The following OPTN variants were observed in gnomAD, a reference collection of about 807,000 sequenced individuals.
OPTN encodes optineurin.
Under a neutral mutation model 70.4 loss-of-function variants are expected in OPTN, and 54 were observed. The ratio of observed to expected loss-of-function variants is 0.77; its 90% CI spans 0.62 to 0.96. The LOEUF is 0.96. Ranked by LOEUF, OPTN falls within the 40% of genes least tolerant of loss-of-function variation. The pLI is 0.00. For missense variants in OPTN, 624 were observed against 673.2 expected (o/e 0.93, Z 0.81); for synonymous variants, 256 against 248.5 (o/e 1.03, Z -0.28).
At chr10:13,117,447 T>TTG (rs1358503785) in intron 6 of OPTN, among the ~76,000 whole-genome samples, 3,899 of 40,500 alleles carry the variant, frequency 0.096, 273 homozygotes, top group African/African-American at 0.22. Context: ...GAGTTTTTTT[T>TTG]TTTTTTTTTT....
chr10:13,112,449 C>A lies in OPTN; in HGVS notation c.370-4C>A, dbSNP rs1403778579. 1.2e-6 allele frequency: 2 copies of A among 1,613,870 alleles called. No homozygotes were observed. Among genetic ancestry groups the A allele is most frequent in the African/African-American group, 2.7e-5 (2 of 74,960 alleles). On this transcript the variant is annotated splice_region_variant and splice_polypyrimidine_tract_variant and intron_variant, in intron 4 of 14. Transcript: ENST00000378747. ...TCATTCACTTTACTCCTTGTCATCTCCAGGACCCCACTGATGACTCCAGGC... is the reference window on the plus strand; with the variant it reads ...TCATTCACTTTACTCCTTGTCATCTACAGGACCCCACTGATGACTCCAGGC...
chr10:13,121,549 A>AGCAG (rs1366828869), intron 7 of OPTN, among the ~76,000 whole-genome samples: 2 of 146,846 alleles, frequency 1.4e-5, no homozygotes, highest in Admixed American at 6.8e-5. Context: ...AAATGGAGAG[A>AGCAG]GCAGGCATCC....
chr10:13,114,814 T>TTATATAATTATATAATTATATATACATA lies in OPTN; in HGVS notation c.553-1431_553-1430insTACATATATATAATTATATAATTATATA, dbSNP rs1554768965. ...TATAATTATATATACATATATATAA[T>TTATATAATTATATAATTATATATACATA]TATATAATTATATAATTATATAATT... On this transcript the variant is annotated intron_variant, in intron 5 of 14. Transcript: ENST00000378747. 8.5e-3 allele frequency among the ~76,000 whole-genome samples: 566 copies of TTATATAATTATATAATTATATATACATA among 66,646 alleles called. 68 individuals carry two copies. The highest frequency in any genetic ancestry group is 0.022 in the Admixed American group (82 of 3,700). The allele number at this position is 66,646 out of a possible 152,430, so 43.7% of individuals were successfully genotyped here.
At chr10:13,127,457 T>C (rs562829239) in intron 11 of OPTN, among the ~76,000 whole-genome samples, 11 of 152,332 alleles carry the variant, frequency 7.2e-5, no homozygotes, top group Admixed American at 2.0e-4. Flanking sequence ...TTTTTAGGAA[T>C]TCATTATTTG....
chr10:13,101,810 C>T (rs1319965357), intron 1 of OPTN, among the ~76,000 whole-genome samples: 1 of 152,066 alleles, frequency 6.6e-6, no homozygotes, highest in Admixed American at 6.6e-5. Context: ...AAGTGAATGC[C>T]GTGGAACTGT....
In OPTN at chr10:13,125,448, A is replaced by T. The variant is rs1833437260; in HGVS notation, c.1029A>T (p.Ala343=). 1.2e-6 allele frequency: 2 copies of T among 1,614,072 alleles called. No homozygotes were observed. The highest frequency in any genetic ancestry group is 2.7e-5 in the African/African-American group (2 of 74,954). The part of the protein sequence containing the change: ...KCQALERKNS[A]IPSELNEKQE... The stretch of plus-strand genomic sequence containing the variant: ...AGGCCCTTGAAAGGAAAAATTCTGC[A>T]ATTCCATCAGAGTTGAATGAAAAGC... The change falls in exon 10 of 15, where the codon GCA becomes GCT. Residue 343 remains alanine (A), a synonymous_variant. Transcript: ENST00000378747.
chr10:13,117,082 T>C (rs1362965119), intron 6 of OPTN, among the ~76,000 whole-genome samples: 1 of 143,586 alleles, frequency 7.0e-6, no homozygotes, highest in Non-Finnish European at 1.5e-5. Flanking sequence ...AAGGATCTCT[T>C]TTTTTTTTTT....
intron 5 of OPTN, among the ~76,000 whole-genome samples, chr10:13,114,801 TAC>T (rs1312393384): frequency 0.034 from 213 of 6,264 alleles, 13 homozygotes; most frequent in Admixed American, 0.097. Context: ...TAATTATATA[TAC>T]ATATATATAA....
At chr10:13,117,243 G>C (rs1833233620) in intron 6 of OPTN, among the ~76,000 whole-genome samples, 1 of 151,366 alleles carries the variant, frequency 6.6e-6, no homozygotes, top group South Asian at 2.1e-4. Context: ...ACCATGCCCG[G>C]CTAATTTTTT....
At chr10:13,107,137 G>T (rs527304538) in intron 1 of OPTN, among the ~76,000 whole-genome samples, 62 of 152,162 alleles carry the variant, frequency 4.1e-4, no homozygotes, top group Non-Finnish European at 7.4e-4. Context: ...CACTTTTGGA[G>T]GCCGAGGCCA....
chr10:13,130,618 C>T (rs1833576115), intron 12 of OPTN, among the ~76,000 whole-genome samples: 2 of 152,016 alleles, frequency 1.3e-5, no homozygotes, highest in South Asian at 2.1e-4. Context: ...CTGAACCACT[C>T]ACATTGATAG....
chr10:13,109,546 C>G (rs559682619), intron 3 of OPTN: 105 of 454,428 alleles, frequency 2.3e-4, no homozygotes, highest in Non-Finnish European at 3.7e-4. Context: ...GAAAAAGAGG[C>G]TGGGCGTGGT....
chr10:13,132,706 G>C (rs1332670159), intron 13 of OPTN, among the ~76,000 whole-genome samples: 1 of 151,956 alleles, frequency 6.6e-6, no homozygotes, highest in Non-Finnish European at 1.5e-5. Flanking sequence ...GTGTCCCAAT[G>C]ACCTATCTTG....
intron 4 of OPTN, among the ~76,000 whole-genome samples, chr10:13,111,991 G>A (rs1203021058): frequency 1.3e-5 from 2 of 151,196 alleles, no homozygotes; most frequent in African/African-American, 4.9e-5. Context: ...GGGACTACAG[G>A]CGCCCGCCAC....
intron 1 of OPTN, among the ~76,000 whole-genome samples, chr10:13,106,387 C>T (rs543517642): frequency 5.3e-5 from 8 of 152,320 alleles, no homozygotes; most frequent in African/African-American, 1.9e-4. Context: ...GTTCTAGTCA[C>T]CTAATGCTAA....
At position 13,110,256 on chromosome 10, in the gene OPTN, A is replaced by G; in HGVS notation, c.167-18A>G. 1.9e-6 allele frequency: 3 copies of G among 1,612,732 alleles called. No homozygotes were observed. The highest frequency in any genetic ancestry group is 2.5e-6 in the Non-Finnish European group (3 of 1,179,584). ...CACTTTCCTGGTGTGTGACTCCATC[A>G]CTCTGAACCTCCTGCAGAAGCCATG... On this transcript the variant is annotated intron_variant, in intron 3 of 14. Transcript: ENST00000378747.
At chr10:13,103,352 C>G (rs939171204) in intron 1 of OPTN, among the ~76,000 whole-genome samples, 3 of 152,190 alleles carry the variant, frequency 2.0e-5, no homozygotes, top group South Asian at 2.1e-4. Flanking sequence ...GGGATTGAAC[C>G]TACGAATACT....
At chr10:13,117,282 G>T (rs530379410) in intron 6 of OPTN, among the ~76,000 whole-genome samples, 3 of 151,408 alleles carry the variant, frequency 2.0e-5, no homozygotes, top group Non-Finnish European at 4.4e-5. Context: ...GGGTTTCACC[G>T]TGTTAGCCAG....
intron 14 of OPTN, among the ~76,000 whole-genome samples, chr10:13,136,234 G>A (rs1833695949): frequency 6.6e-6 from 1 of 152,024 alleles, no homozygotes; most frequent in Admixed American, 6.5e-5. Context: ...AACAGGCCAG[G>A]CGCAGTGGCT....
Sources: gnomAD v4.1 joint callset for allele counts (sites outside exome capture counted in the v4.1 genomes callset) on GRCh38, gnomAD v4.1.1 for gene constraint, MANE v1.5 for transcripts, NCBI Gene and HGNC (gene_info 2026-07-23, HGNC 2026-07-21) for gene names.